C2CD3: variants seen among roughly 807,000 people sequenced by gnomAD.
The protein encoded by C2CD3 is C2 domain-containing protein 3.
Under a neutral mutation model 234.0 loss-of-function variants are expected in C2CD3, and 148 were observed. That is an observed-to-expected ratio of 0.63 (90% confidence interval 0.55 to 0.72). The LOEUF is 0.72. Among genes scored for constraint, C2CD3 ranks in the 30% least tolerant of loss-of-function variants. The pLI is 0.00. For synonymous variants in C2CD3, 1,000 were observed against 1,035.4 expected, an observed-to-expected ratio of 0.97 and a Z score of 0.66; for missense variants, 2,577 against 2,811.5, an observed-to-expected ratio of 0.92 and a Z score of 1.89.
chr11:74,019,829 T>G (rs139892471), intron 32 of C2CD3, among the ~76,000 whole-genome samples: 50 of 152,226 alleles, frequency 3.3e-4, no homozygotes, highest in African/African-American at 1.2e-3. Flanking sequence ...GGTGCCAGGA[T>G]AGAAAAATTC....
chr11:74,106,645 CA>C, intron 12 of C2CD3, 152 bp from the exon 13 acceptor site: 1 of 687,176 alleles, frequency 1.5e-6, no homozygotes, highest in Non-Finnish European at 2.4e-6. Context: ...CCCACTTTGT[CA>C]TATTTTGGTC....
intron 3 of C2CD3, among the ~76,000 whole-genome samples, chr11:74,156,650 G>A (rs1048157547): frequency 6.6e-6 from 1 of 151,940 alleles, no homozygotes; most frequent in African/African-American, 2.4e-5. Context: ...TCTCTTAAAA[G>A]GAAGAAAGAA....
At chr11:74,107,050 G>A (rs1015876051) in intron 12 of C2CD3, among the ~76,000 whole-genome samples, 5 of 152,138 alleles carry the variant, frequency 3.3e-5, no homozygotes, top group East Asian at 3.9e-4. Context: ...GGCTGGGCGC[G>A]GTGGCCCATG....
At chr11:74,029,630 G>A (rs73555972) in intron 31 of C2CD3, among the ~76,000 whole-genome samples, 2,755 of 152,358 alleles carry the variant, frequency 0.018, 80 homozygotes, top group African/African-American at 0.063. Context: ...GATGCTGTGG[G>A]GAAGAAAGAA....
chr11:74,131,398 T>C (rs1429749788), intron 7 of C2CD3, among the ~76,000 whole-genome samples: 1 of 151,754 alleles, frequency 6.6e-6, no homozygotes, highest in Non-Finnish European at 1.5e-5. Flanking sequence ...GTGGATCACA[T>C]ATATTGAATT....
intron 32 of C2CD3, among the ~76,000 whole-genome samples, chr11:74,024,393 AAAG>A (rs1246971366): frequency 6.6e-6 from 1 of 152,254 alleles, no homozygotes; most frequent in Non-Finnish European, 1.5e-5. Flanking sequence ...GTGAAATTCC[AAAG>A]AAGTTTTTCA....
chr11:74,103,151 G>C lies in C2CD3; in HGVS notation c.2560C>G (p.Pro854Ala). 4 of 1,612,522 alleles carry C rather than the reference G, an allele frequency of 2.5e-6. No homozygotes were observed. Among genetic ancestry groups the C allele is most frequent in the Non-Finnish European group, 3.4e-6 (4 of 1,178,676 alleles). ...RSVIAWGTTQ[P>A]VFNFSQVIPV... ...GTTACCTGAGAAAAGTTAAAGACCG[G>C]TTGTGTTGTGCCCCATGCGATGACA... The change falls in exon 14 of 33, where the codon CCG (proline) becomes GCG (alanine). Residue 854 changes from proline (P) to alanine (A), a missense_variant. Physicochemically the swap from Pro to Ala is conservative, Grantham distance 27 (BLOSUM62 -1). Coordinates refer to ENST00000334126, the MANE Select transcript of C2CD3 (RefSeq NM_001286577.2).
At chr11:74,036,243 T>A (rs1301148676) in intron 30 of C2CD3, 8 of 329,604 alleles carry the variant, frequency 2.4e-5, no homozygotes, top group African/African-American at 4.3e-5. Flanking sequence ...AAACAAGCCT[T>A]CATCTGTTTT....
chr11:74,057,670 T>C, intron 24 of C2CD3, 126 bp from the exon 25 acceptor site: 5 of 974,824 alleles, frequency 5.1e-6, no homozygotes, highest in Middle Eastern at 2.5e-4. Context: ...GCTATCCCCC[T>C]GTGTCTGAAA....
intron 3 of C2CD3, chr11:74,142,026 C>G (rs150786798): frequency 3.3e-5 from 5 of 152,762 alleles, no homozygotes; most frequent in African/African-American, 1.2e-4. Context: ...CCTCCTCCCC[C>G]ACAAAAACAC....
Position 74,033,710 on chromosome 11 carries a change from A to C in C2CD3, c.6450T>G (p.Ser2150Arg). ...HLPRQGSPSQSLVACECEASK... is the reference protein window; with the variant it reads ...HLPRQGSPSQRLVACECEASK... Reference sequence around the variant, plus strand: ...AGGCCTCACACTCACAAGCAACAAGACTTTGGCTAGGAGAACCCTGCCTAG... The same window carrying C: ...AGGCCTCACACTCACAAGCAACAAGCCTTTGGCTAGGAGAACCCTGCCTAG... The change falls in exon 31 of 33, where the codon AGT (serine) becomes AGG (arginine). Residue 2150 changes from serine (S) to arginine (R), a missense_variant. Transcript: ENST00000334126. 5 of 1,536,404 alleles carry C rather than the reference A, an allele frequency of 3.3e-6. No individual in the cohort carries two copies. Among genetic ancestry groups the C allele is most frequent in the Non-Finnish European group, 4.4e-6 (5 of 1,146,944 alleles).
In C2CD3 at chr11:74,078,211, C is replaced by T. The variant is rs769163998; in HGVS notation, c.4507G>A (p.Val1503Met). 4 of 1,614,014 alleles carry T rather than the reference C, an allele frequency of 2.5e-6. No individual in the cohort carries two copies. The highest frequency in any genetic ancestry group is 2.2e-5 in the East Asian group (1 of 44,876). Residue 1503 changes from valine (V) to methionine (M), a missense_variant, in exon 23 of 33, where the codon GTG becomes ATG. Val to Met is a conservative substitution (Grantham distance 21). Transcript: ENST00000334126. ...QVWRAYGNDS[V>M]ERPHQTDSWI... is the part of the protein sequence containing the mutation. ...CTGTCTGTCTGATGGGGTCTCTCCA[C>T]ACTGTCATTGCCATAAGCTCGCCAC...
chr11:74,167,504 A>G (rs1856886855), intron 2 of C2CD3, among the ~76,000 whole-genome samples: 1 of 152,262 alleles, frequency 6.6e-6, no homozygotes. Context: ...TGACTGAATT[A>G]CAGCATTTGT....
chr11:74,083,764 A>T (rs980187487), intron 22 of C2CD3, among the ~76,000 whole-genome samples: 19 of 152,180 alleles, frequency 1.2e-4, no homozygotes, highest in Non-Finnish European at 2.4e-4. Flanking sequence ...CACCAATTAG[A>T]ATGGAGATCA....
At chr11:74,126,573 T>C (rs1471607483) in intron 7 of C2CD3, among the ~76,000 whole-genome samples, 3 of 152,122 alleles carry the variant, frequency 2.0e-5, no homozygotes, top group African/African-American at 7.2e-5. Context: ...TGAAACCCCA[T>C]CTCTACTAAA....
chr11:74,149,174 A>G (rs1048642544), intron 3 of C2CD3, among the ~76,000 whole-genome samples: 4 of 152,158 alleles, frequency 2.6e-5, no homozygotes, highest in African/African-American at 9.7e-5. Context: ...GCTCTCTCCC[A>G]CATCCACTTG....
intron 8 of C2CD3, among the ~76,000 whole-genome samples, chr11:74,118,905 A>AT (rs1228553220): frequency 0.26 from 33,566 of 127,884 alleles, 5,165 homozygotes; most frequent in African/African-American, 0.4. Flanking sequence ...TGGATAGACT[A>AT]TTTTTTTTTT....
At chr11:74,165,229 C>T (rs1033219985) in intron 2 of C2CD3, among the ~76,000 whole-genome samples, 1 of 152,014 alleles carries the variant, frequency 6.6e-6, no homozygotes, top group African/African-American at 2.4e-5. Context: ...CTCATATAAT[C>T]GTTCTTACTA....
intron 30 of C2CD3, among the ~76,000 whole-genome samples, chr11:74,035,930 G>A (rs1952723472): frequency 6.6e-6 from 1 of 151,862 alleles, no homozygotes; most frequent in Non-Finnish European, 1.5e-5. Flanking sequence ...GAACAATCTC[G>A]GCTCACTGCA....
Sources: allele counts gnomAD v4.1 joint callset (sites outside exome capture counted in the v4.1 genomes callset), GRCh38; gene constraint gnomAD v4.1.1; transcripts MANE v1.5; gene names NCBI Gene and HGNC (gene_info 2026-07-23, HGNC 2026-07-21).